The following SLC16A3 variants were observed in gnomAD, a reference collection of about 807,000 sequenced individuals.
The protein encoded by SLC16A3 is solute carrier family 16 member 3, also known as monocarboxylate transporter 4.
In SLC16A3, 22 loss-of-function variants were observed where a neutral mutation model predicts 25.0. That is an observed-to-expected ratio of 0.88 (90% CI 0.63 to 1.26). SLC16A3 has a LOEUF of 1.26. Among genes scored for constraint, SLC16A3 ranks in the 50% most tolerant of loss-of-function variants. The pLI is 0.00. For missense variants in SLC16A3, 731 were observed against 666.6 expected (o/e 1.10, Z -1.06); for synonymous variants, 390 against 309.2 (o/e 1.26, Z -2.74).
chr17:82,222,891 C>T, intron 1 of SLC16A3, among the ~76,000 whole-genome samples: 1 of 151,790 alleles, frequency 6.6e-6, no homozygotes, highest in East Asian at 1.9e-4. Flanking sequence ...TCAGTAAACA[C>T]GCTGGTCACA....
chr17:82,238,138 G>C (rs540101931), intron 4 of SLC16A3, among the ~76,000 whole-genome samples: 24 of 152,358 alleles, frequency 1.6e-4, no homozygotes, highest in East Asian at 3.9e-4. Flanking sequence ...GGCCCGGGGG[G>C]GGGCAGCTCC....
Position 82,239,662 on chromosome 17 carries a change from C to T in SLC16A3, c.*686C>T, listed in dbSNP as rs757974913. The T allele has an allele frequency of 2.4e-4, 75 of 307,890 alleles. No homozygotes were observed. Among genetic ancestry groups the T allele is most frequent in the Admixed American group, 5.1e-4 (10 of 19,720 alleles). 19.1% of individuals were successfully genotyped at this position (307,890 alleles called of 1,614,324 possible). On this transcript the variant is annotated 3_prime_UTR_variant, in exon 5 of 5. Coordinates refer to ENST00000582743, the MANE Select transcript of SLC16A3 (RefSeq NM_004207.4). ...GGCTGCGGGGCAGGTGCCTGGAGGC[C>T]GCTGTGCCAGGGTGGCCTCTGAAAT... is the stretch of plus-strand genomic sequence containing the variant.
intron 1 of SLC16A3, among the ~76,000 whole-genome samples, chr17:82,221,804 G>A (rs1032305481): frequency 6.6e-6 from 1 of 151,980 alleles, no homozygotes; most frequent in Non-Finnish European, 1.5e-5. Context: ...GGCAGGAGGC[G>A]GAGGCAGGAG....
At chr17:82,223,611 TCTCCTGCC>T (rs1296546654), upstream of SLC16A3, among the ~76,000 whole-genome samples, 1 of 152,078 alleles carries the variant, frequency 6.6e-6, no homozygotes, top group Non-Finnish European at 1.5e-5. Context: ...TTCAAGTGAT[TCTCCTGCC>T]CTCCTGCCTC....
upstream of SLC16A3, among the ~76,000 whole-genome samples, chr17:82,226,770 C>A (rs183877496): frequency 6.6e-6 from 1 of 152,076 alleles, no homozygotes; most frequent in African/African-American, 2.4e-5. Flanking sequence ...CCAGAATCCT[C>A]GGAGAGGGGC....
In SLC16A3 at chr17:82,237,213, C is replaced by G; in HGVS notation, c.443C>G (p.Ala148Gly). 1.3e-6 allele frequency: 2 copies of G among 1,543,468 alleles called. No homozygotes were observed. Among genetic ancestry groups the G allele is most frequent in the Non-Finnish European group, 1.7e-6 (2 of 1,144,230 alleles). ...TACTTCAGCAAGCGGCGCCCCATGG[C>G]CAACGGGCTGGCGGCAGCAGGTAGC... ...NRYFSKRRPMANGLAAAGSPV... is the reference protein window; with the variant it reads ...NRYFSKRRPMGNGLAAAGSPV... The change falls in exon 4 of 5, where the codon GCC (alanine) becomes GGC (glycine). Residue 148 changes from alanine to glycine, a missense_variant. Transcript: ENST00000582743.
intron 1 of SLC16A3, among the ~76,000 whole-genome samples, chr17:82,223,249 C>T (rs1189483774): frequency 1.3e-5 from 2 of 152,146 alleles, no homozygotes; most frequent in Non-Finnish European, 2.9e-5. Context: ...GTGTCGCGAT[C>T]TCGGCTCACT....
At chr17:82,236,576 G>C (rs997464751) in intron 2 of SLC16A3, 153 bp from the exon 3 acceptor site, 4 of 1,122,968 alleles carry the variant, frequency 3.6e-6, no homozygotes, top group African/African-American at 3.1e-5. Context: ...CATGGCCTGC[G>C]CTCGGGGAGC....
rs528904753 is a variant in SLC16A3, at chr17:82,220,030, T to TG, written c.-27+1853dup. Among the ~76,000 whole-genome samples the TG allele has an allele frequency of 3.4e-3, 515 of 151,944 alleles. 4 individuals are homozygous for TG. The highest frequency in any genetic ancestry group is 0.01 in the Middle Eastern group (3 of 294). On this transcript the variant is annotated intron_variant, in intron 1 of 4. Transcript: ENST00000580098. ...CCGGGGGGGCCCTTTCACAGCAGGT[T>TG]GGGGGGGCTCTCAGGGCCACACTTT...
At chr17:82,227,369 T>C (rs1217387623), upstream of SLC16A3, among the ~76,000 whole-genome samples, 1 of 151,924 alleles carries the variant, frequency 6.6e-6, no homozygotes, top group Non-Finnish European at 1.5e-5. Flanking sequence ...GTGGAAGGTG[T>C]CTCGGTGGCT....
At chr17:82,220,940 C>T (rs559153241) in intron 1 of SLC16A3, among the ~76,000 whole-genome samples, 1 of 152,244 alleles carries the variant, frequency 6.6e-6, no homozygotes, top group Admixed American at 6.5e-5. Flanking sequence ...TCTCGTGCCT[C>T]AGCTTCCCGA....
At chr17:82,236,409 GGCAGGGCGC>G (rs2050603077) in intron 2 of SLC16A3, 178 bp downstream of exon 2, 1 of 669,490 alleles carries the variant, frequency 1.5e-6, no homozygotes, top group African/African-American at 1.8e-5. Flanking sequence ...GGCCAACCCA[GGCAGGGCGC>G]GAAGTCCATC....
intron 1 of SLC16A3, chr17:82,230,103 C>G (rs1440231967): frequency 1.2e-4 from 18 of 152,602 alleles, no homozygotes; most frequent in Admixed American, 1.1e-3. Flanking sequence ...GCCGGGGAGT[C>G]CAAGGTCCCA....
intron 1 of SLC16A3, among the ~76,000 whole-genome samples, chr17:82,219,176 C>A (rs960434447): frequency 6.6e-6 from 1 of 152,068 alleles, no homozygotes; most frequent in African/African-American, 2.4e-5. Context: ...AGCCCCCAAG[C>A]TGCAGAAGAG....
intron 1 of SLC16A3, chr17:82,233,867 G>A (rs1235059788): frequency 2.0e-5 from 3 of 151,804 alleles, no homozygotes; most frequent in African/African-American, 7.3e-5. Context: ...TTGAGACAGA[G>A]TCTCGCTCTG....
chr17:82,235,895 C>T (rs560756200), intron 1 of SLC16A3, 88 bp from the exon 2 acceptor site: 43 of 868,278 alleles, frequency 5.0e-5, no homozygotes, highest in Middle Eastern at 3.4e-4. Flanking sequence ...GCTGAGCTGC[C>T]GGGCCACCCA....
At chr17:82,238,344 G>C (rs2050670406) in intron 4 of SLC16A3, among the ~76,000 whole-genome samples, 1 of 152,224 alleles carries the variant, frequency 6.6e-6, no homozygotes. Flanking sequence ...ATGTCTTGGA[G>C]TCCGCGGTGG....
At chr17:82,229,325 C>T (rs950616617) in intron 1 of SLC16A3, 2 of 152,278 alleles carry the variant, frequency 1.3e-5, no homozygotes, top group African/African-American at 2.4e-5. Flanking sequence ...CCTCGCATAC[C>T]TGGCTGCCCA....
In SLC16A3 at chr17:82,239,892, G is replaced by C. The variant is rs1053392098; in HGVS notation, c.*916G>C. ...CCAGCCCGGCCCAGCGCTTGGGCTT[G>C]TCCTGGACACCTAACACCCACCTGC... On this transcript the variant is annotated 3_prime_UTR_variant, in exon 5 of 5. Transcript: ENST00000582743. 1.1e-5 allele frequency: 9 copies of C among 831,774 alleles called. No individual in the cohort carries two copies. The highest frequency in any genetic ancestry group is 1.3e-5 in the Non-Finnish European group (8 of 622,134). 51.5% of individuals were successfully genotyped at this position (831,774 alleles called of 1,614,324 possible). A position where few individuals can be genotyped will look rare whatever the true frequency, so the allele number is the denominator to read the frequency against.
Sources: allele counts gnomAD v4.1 joint callset (sites outside exome capture counted in the v4.1 genomes callset), GRCh38; gene constraint gnomAD v4.1.1; transcripts MANE v1.5; gene names NCBI Gene and HGNC (gene_info 2026-07-23, HGNC 2026-07-21).